Variants in KDELR3 observed in about 807,000 individuals in gnomAD.
KDELR3 encodes the protein KDEL endoplasmic reticulum protein retention receptor 3, also known as ER lumen protein-retaining receptor 3.
In KDELR3, 26 loss-of-function variants were observed where a neutral mutation model predicts 22.7. The ratio of observed to expected loss-of-function variants is 1.15; its 90% CI spans 0.84 to 1.59. The LOEUF (loss-of-function observed/expected upper bound fraction) is 1.59. Ranked by LOEUF, KDELR3 falls within the 40% of genes most tolerant of loss-of-function variation. The pLI, the probability that KDELR3 is intolerant of heterozygous loss-of-function variation, is 0.00. For synonymous variants in KDELR3, 120 were observed against 98.2 expected (o/e 1.22, Z -1.31); for missense variants, 289 against 251.1 (o/e 1.15, Z -1.02).
intron 1 of KDELR3, chr22:38,474,301 G>T: frequency 2.1e-6 from 1 of 469,404 alleles, no homozygotes; most frequent in Non-Finnish European, 3.8e-6. Flanking sequence ...TTTGGAGACT[G>T]GGAGACAGAT....
intron 2 of KDELR3, among the ~76,000 whole-genome samples, chr22:38,476,118 G>A (rs531774844): frequency 2.1e-4 from 32 of 151,738 alleles, no homozygotes; most frequent in Admixed American, 1.8e-3. Context: ...TTTTAATAGA[G>A]ACAAGATTTC....
intron 1 of KDELR3, chr22:38,474,266 T>G (rs2089543360): frequency 2.8e-6 from 1 of 360,378 alleles, no homozygotes; most frequent in Non-Finnish European, 5.1e-6. Context: ...GCAGGGGGAC[T>G]GGGAACTCGG....
At chr22:38,475,801 T>G (rs371287462) in intron 2 of KDELR3, among the ~76,000 whole-genome samples, 26 of 151,856 alleles carry the variant, frequency 1.7e-4, no homozygotes, top group African/African-American at 6.3e-4. Context: ...GTCCAGCTAA[T>G]TTTTGTATTT....
In KDELR3 at chr22:38,481,481, C is replaced by A. The variant is rs2089600551; in HGVS notation, c.604+17C>A. On this transcript the variant is annotated intron_variant, in intron 4 of 4. Transcript: ENST00000216014. ...TGACCAAAGGTAGGTCCTGGGATGA[C>A]AGCAATGCTGACACTGGCCTAAGGA... The A allele has an allele frequency of 6.2e-7, 1 of 1,613,992 alleles. No individual in the cohort carries two copies. The highest frequency in any genetic ancestry group is 8.5e-7 in the Non-Finnish European group (1 of 1,180,018).
chr22:38,471,478 C>T (rs944244980), intron 1 of KDELR3, among the ~76,000 whole-genome samples: 1 of 152,196 alleles, frequency 6.6e-6, no homozygotes, highest in Non-Finnish European at 1.5e-5. Context: ...GGCTAGTGCA[C>T]GTGCGCGCGT....
At chr22:38,480,711 C>T (rs2089593707) in intron 3 of KDELR3, among the ~76,000 whole-genome samples, 1 of 152,000 alleles carries the variant, frequency 6.6e-6, no homozygotes, top group African/African-American at 2.4e-5. Context: ...CGAGATCGCA[C>T]CACTGCACTC....
chr22:38,468,340 C>T lies in KDELR3; in HGVS notation c.91+16C>T, dbSNP rs749837647. ...TGCTGCAAGGGTGAGGGGCGCCTGG[C>T]AGGGAGGTGCGGGACCCCCTCTCTG... is the stretch of plus-strand genomic sequence containing the variant. On this transcript the variant is annotated intron_variant, in intron 1 of 4. Coordinates refer to ENST00000216014, the MANE Select transcript of KDELR3 (RefSeq NM_006855.4). The T allele has an allele frequency of 3.1e-6, 5 of 1,611,110 alleles. No homozygotes were observed. The highest frequency in any genetic ancestry group is 3.3e-5 in the Admixed American group (2 of 60,010).
chr22:38,481,138 T>G, intron 3 of KDELR3, 74 bp from the exon 4 acceptor site: 1 of 1,305,300 alleles, frequency 7.7e-7, no homozygotes, highest in Non-Finnish European at 1.1e-6. Context: ...GCTATTGTTT[T>G]AGTAATTATG....
chr22:38,472,642 A>C (rs1236866165), intron 1 of KDELR3, among the ~76,000 whole-genome samples: 1 of 152,142 alleles, frequency 6.6e-6, no homozygotes, highest in Non-Finnish European at 1.5e-5. Context: ...TGCTCTACTG[A>C]TGTTGATTTC....
intron 3 of KDELR3, among the ~76,000 whole-genome samples, chr22:38,480,062 G>GT (rs771937317): frequency 1.5e-4 from 23 of 152,320 alleles, no homozygotes; most frequent in African/African-American, 4.6e-4. Context: ...TTTCAACTCA[G>GT]TAAGTTTGGA....
intron 2 of KDELR3, among the ~76,000 whole-genome samples, chr22:38,475,716 T>C (rs939963384): frequency 2.0e-5 from 3 of 151,996 alleles, no homozygotes; most frequent in Non-Finnish European, 4.4e-5. Context: ...AGCCTCCACC[T>C]CCTGGTTTCA....
chr22:38,471,098 T>C (rs1415410172), intron 1 of KDELR3, among the ~76,000 whole-genome samples: 1 of 152,076 alleles, frequency 6.6e-6, no homozygotes, highest in East Asian at 1.9e-4. Context: ...GAGCTGAGAT[T>C]GCACCATTGC....
At chr22:38,469,451 G>T (rs1456396030) in intron 1 of KDELR3, among the ~76,000 whole-genome samples, 1 of 152,222 alleles carries the variant, frequency 6.6e-6, no homozygotes, top group African/African-American at 2.4e-5. Flanking sequence ...CAGAGCAGGG[G>T]GAGGCCTGGC....
chr22:38,468,104 G>T lies in KDELR3; in HGVS notation c.-130G>T, dbSNP rs532103871. The stretch of plus-strand genomic sequence containing the variant: ...GGCGGCGGCGCGCGGGTGCGATCGC[G>T]GAGCTGTGAGGCGCAGGCAGGGCTC... On this transcript the variant is annotated 5_prime_UTR_variant, in exon 1 of 5. Coordinates refer to ENST00000216014, the MANE Select transcript of KDELR3 (RefSeq NM_006855.4). 3 of 756,160 alleles carry T rather than the reference G, an allele frequency of 4.0e-6. No individual in the cohort carries two copies. The highest frequency in any genetic ancestry group is 6.6e-6 in the Non-Finnish European group (3 of 457,036). 46.8% of individuals were successfully genotyped at this position (756,160 alleles called of 1,614,324 possible). A position where few individuals can be genotyped will look rare whatever the true frequency, so the allele number is the denominator to read the frequency against.
In KDELR3 at chr22:38,482,793, A is replaced by G. The variant is rs552483673; in HGVS notation, c.*257A>G. The G allele has an allele frequency of 1.2e-5, 6 of 501,028 alleles. No homozygotes were observed. Among genetic ancestry groups the G allele is most frequent in the Admixed American group, 3.6e-5 (1 of 27,796 alleles). The allele number at this position is 501,028 out of a possible 1,614,324, so 31.0% of individuals were successfully genotyped here. A position where few individuals can be genotyped will look rare whatever the true frequency, so the allele number is the denominator to read the frequency against. On this transcript the variant is annotated 3_prime_UTR_variant, in exon 5 of 5. Transcript: ENST00000216014. ...TGCCTCACTGCAACAAGAAACCTTA[A>G]GGTGTCTTACCGACGAAATAAAAAA...
rs565112734 is a variant in KDELR3 at position 38,483,392 on chromosome 22, G to A, written c.*856G>A. The A allele has an allele frequency of 2.0e-5, 3 of 152,144 alleles. No homozygotes were observed. The highest frequency in any genetic ancestry group is 4.4e-5 in the Non-Finnish European group (3 of 68,028). 9.4% of individuals were successfully genotyped at this position (152,144 alleles called of 1,614,324 possible). ...CTTGAAACAAAAACTGTTTTAAGAC[G>A]TCTACGTTGAATTATTCAGAGAATT... On this transcript the variant is annotated 3_prime_UTR_variant, in exon 5 of 5. Transcript: ENST00000216014.
chr22:38,468,898 G>T (rs952062383), intron 1 of KDELR3, among the ~76,000 whole-genome samples: 3 of 152,236 alleles, frequency 2.0e-5, no homozygotes, highest in Admixed American at 6.5e-5. Flanking sequence ...TTTGCATTCT[G>T]GCTGCCCTGC....
At chr22:38,473,346 TAGG>T (rs2089536616) in intron 1 of KDELR3, among the ~76,000 whole-genome samples, 1 of 152,012 alleles carries the variant, frequency 6.6e-6, no homozygotes, top group Admixed American at 6.6e-5. Context: ...GAGGCTGAGA[TAGG>T]AGAATTGTTT....
At chr22:38,480,931 TA>T (rs369235996) in intron 3 of KDELR3, among the ~76,000 whole-genome samples, 181 of 140,544 alleles carry the variant, frequency 1.3e-3, no homozygotes, top group Middle Eastern at 3.5e-3. Context: ...GACCCTATCT[TA>T]AAAAAAAAAA....
Sources: allele counts gnomAD v4.1 joint callset (sites outside exome capture counted in the v4.1 genomes callset), GRCh38; gene constraint gnomAD v4.1.1; transcripts MANE v1.5; gene names NCBI Gene and HGNC (gene_info 2026-07-23, HGNC 2026-07-21).